ANKRD17: variants seen among roughly 807,000 people sequenced by gnomAD.
The protein encoded by ANKRD17 is ankyrin repeat domain 17.
Under a neutral mutation model 229.7 loss-of-function variants are expected in ANKRD17, and 19 were observed. The observed-to-expected ratio is 0.08, with a 90% CI of 0.06 to 0.12. ANKRD17 has a LOEUF of 0.12. Among genes scored for constraint, ANKRD17 ranks in the 10% least tolerant of loss-of-function variants. The probability of loss-of-function intolerance (pLI) is 1.00; values close to 1 mark genes in which losing one functional copy is unlikely to be tolerated. For missense variants in ANKRD17, 2,176 were observed against 3,176.8 expected (o/e 0.68, Z 7.57); for synonymous variants, 1,112 against 1,146.1 (o/e 0.97, Z 0.60).
intron 2 of ANKRD17, among the ~76,000 whole-genome samples, chr4:73,170,832 G>A (rs912947585): frequency 6.6e-6 from 1 of 152,162 alleles, no homozygotes; most frequent in African/African-American, 2.4e-5. Flanking sequence ...ATCGTGGTTT[G>A]AGTGCCAGCA....
At chr4:73,177,880 A>G (rs1344480084) in intron 1 of ANKRD17, among the ~76,000 whole-genome samples, 1 of 152,162 alleles carries the variant, frequency 6.6e-6, no homozygotes, top group African/African-American at 2.4e-5. Context: ...TAACTAAATC[A>G]GCAGTTTTTA....
In ANKRD17 at chr4:73,129,700, AGAGT is replaced by A. The variant is rs758021408; in HGVS notation, c.3235-4392_3235-4389del. Among the ~76,000 whole-genome samples, 3 of 151,956 alleles carry A rather than the reference AGAGT, an allele frequency of 2.0e-5. No homozygotes were observed. The South Asian group carries it at 6.2e-4, about 32-fold the overall frequency. On this transcript the variant is annotated intron_variant, in intron 16 of 33. Coordinates refer to ENST00000358602, the MANE Select transcript of ANKRD17 (RefSeq NM_032217.5). ...CCACTGCACTCCAACCTGGCTGACA[AGAGT>A]GAGACCCTGTCTCAACAACAACAAC...
At chr4:73,144,233 C>T (rs1729956106) in intron 11 of ANKRD17, among the ~76,000 whole-genome samples, 1 of 152,106 alleles carries the variant, frequency 6.6e-6, no homozygotes, top group African/African-American at 2.4e-5. Context: ...GGTATTCAAA[C>T]TAAAATTTCT....
intron 1 of ANKRD17, among the ~76,000 whole-genome samples, chr4:73,245,512 C>A (rs929718809): frequency 6.6e-6 from 1 of 152,154 alleles, no homozygotes; most frequent in Admixed American, 6.5e-5. Context: ...CTATGGAGAA[C>A]AGCTTCAGCC....
Position 73,097,114 on chromosome 4 carries a change from C to T in ANKRD17, c.5177+3G>A. The T allele has an allele frequency of 6.2e-7, 1 of 1,608,268 alleles. No homozygotes were observed. The highest frequency in any genetic ancestry group is 1.1e-5 in the South Asian group (1 of 89,734). ...AAAAAGAATGACAAAAACAATTACTCACCTTCTTACAACTTCTTTCCATCC... is the reference window on the plus strand; with the variant it reads ...AAAAAGAATGACAAAAACAATTACTTACCTTCTTACAACTTCTTTCCATCC... On this transcript the variant is annotated splice_donor_region_variant and intron_variant, in intron 27 of 33. Coordinates refer to ENST00000358602, the MANE Select transcript of ANKRD17 (RefSeq NM_032217.5).
Position 73,118,848 on chromosome 4 carries a change from C to A in ANKRD17, c.4028G>T (p.Gly1343Val). Reference protein sequence around the residue: ...YKFCELLIGRGAHIDVRNKKG... With the variant: ...YKFCELLIGRVAHIDVRNKKG... ...CTTGTTACGTACATCAATATGAGCT[C>A]CCCTAAAAACCAATGACACAGATAG... The change falls in exon 22 of 34, where the codon GGA becomes GTA. Residue 1343 changes from glycine to valine, a missense_variant and splice_region_variant. Gly to Val is a moderately radical substitution (Grantham distance 109). Transcript: ENST00000358602. The A allele has an allele frequency of 6.2e-7, 1 of 1,610,770 alleles. No individual in the cohort carries two copies. Among genetic ancestry groups the A allele is most frequent in the Non-Finnish European group, 8.5e-7 (1 of 1,178,994 alleles).
chr4:73,124,404 A>C (rs1309522384), intron 18 of ANKRD17, among the ~76,000 whole-genome samples: 1 of 152,072 alleles, frequency 6.6e-6, no homozygotes. Context: ...AGTTTCCTTA[A>C]AAAAACAAAA....
intron 5 of ANKRD17, 96 bp from the exon 6 acceptor site, chr4:73,154,209 C>T: frequency 3.0e-6 from 2 of 672,244 alleles, no homozygotes; most frequent in Non-Finnish European, 2.3e-6. Flanking sequence ...CAGAAGACTA[C>T]AACCATAATA....
At chr4:73,129,933 T>C (rs1447218396) in intron 16 of ANKRD17, among the ~76,000 whole-genome samples, 3 of 151,684 alleles carry the variant, frequency 2.0e-5, no homozygotes, top group Non-Finnish European at 2.9e-5. Flanking sequence ...TGGCTAATTT[T>C]TTTTTGTATT....
intron 24 of ANKRD17, among the ~76,000 whole-genome samples, chr4:73,110,799 T>C (rs970471421): frequency 6.6e-6 from 1 of 152,206 alleles, no homozygotes; most frequent in African/African-American, 2.4e-5. Flanking sequence ...AAACTATACA[T>C]AAAAGTATAT....
At chr4:73,105,673 CCA>C (rs1724526318) in intron 24 of ANKRD17, among the ~76,000 whole-genome samples, 1 of 152,140 alleles carries the variant, frequency 6.6e-6, no homozygotes, top group South Asian at 2.1e-4. Context: ...GTTACCTCCA[CCA>C]CAGTTAGTTT....
At chr4:73,097,436 T>A (rs10030684) in intron 26 of ANKRD17, among the ~76,000 whole-genome samples, 164 bp from the exon 27 acceptor site, 12 of 92,238 alleles carry the variant, frequency 1.3e-4, no homozygotes, top group African/African-American at 4.4e-4. Flanking sequence ...TAGAGAGCCT[T>A]TTTTTTTTTT....
At chr4:73,208,094 CAGG>C (rs1041703746) in intron 1 of ANKRD17, among the ~76,000 whole-genome samples, 38 of 143,214 alleles carry the variant, frequency 2.7e-4, no homozygotes, top group African/African-American at 9.5e-4. Flanking sequence ...GAGGCTGAGG[CAGG>C]AGAATGGCGT....
chr4:73,167,921 G>T (rs1287962816), intron 2 of ANKRD17, among the ~76,000 whole-genome samples: 1 of 151,896 alleles, frequency 6.6e-6, no homozygotes, highest in Non-Finnish European at 1.5e-5. Context: ...GGGAGGCTGA[G>T]GTGGGTGGAT....
chr4:73,078,623 G>C lies in ANKRD17; in HGVS notation c.7408+19C>G. ...AATGCATTAAGTTAATTTCTAGAGA[G>C]CAGGACAGAATATCCTACCTTGATT... On this transcript the variant is annotated intron_variant, in intron 31 of 33. Transcript: ENST00000358602. 6.2e-7 allele frequency: 1 copy of C among 1,609,950 alleles called. No homozygotes were observed. The highest frequency in any genetic ancestry group is 8.5e-7 in the Non-Finnish European group (1 of 1,176,966).
At chr4:73,250,092 C>T (rs1744851495) in intron 1 of ANKRD17, among the ~76,000 whole-genome samples, 2 of 152,138 alleles carry the variant, frequency 1.3e-5, no homozygotes, top group Non-Finnish European at 2.9e-5. Flanking sequence ...TTCTGGTTAT[C>T]GCCAACGCCT....
chr4:73,135,372 A>C (rs768324410), intron 15 of ANKRD17, 107 bp from the exon 16 acceptor site: 64 of 1,120,610 alleles, frequency 5.7e-5, no homozygotes, highest in Non-Finnish European at 7.4e-5. Flanking sequence ...ATATGTCTAC[A>C]GGAAGACTAC....
At chr4:73,124,560 A>G (rs762170790) in intron 18 of ANKRD17, among the ~76,000 whole-genome samples, 3 of 152,192 alleles carry the variant, frequency 2.0e-5, no homozygotes, top group African/African-American at 4.8e-5. Flanking sequence ...ACAGCAACAG[A>G]GACTGTGATT....
intron 2 of ANKRD17, among the ~76,000 whole-genome samples, chr4:73,168,066 T>C (rs1303036273): frequency 1.3e-5 from 2 of 151,678 alleles, no homozygotes; most frequent in African/African-American, 2.4e-5. Flanking sequence ...AGCAGGAGAA[T>C]GCCATGAACC....
Sources: allele counts gnomAD v4.1 joint callset (sites outside exome capture counted in the v4.1 genomes callset), GRCh38; gene constraint gnomAD v4.1.1; transcripts MANE v1.5; gene names NCBI Gene and HGNC (gene_info 2026-07-23, HGNC 2026-07-21).